Variants in PPP4R4 observed in about 807,000 individuals in gnomAD.
PPP4R4 encodes protein phosphatase 4 regulatory subunit 4.
A neutral mutation model predicts 121.8 loss-of-function variants in PPP4R4; 70 were observed. That is an observed-to-expected ratio of 0.57 (90% CI 0.47 to 0.70). The LOEUF (loss-of-function observed/expected upper bound fraction) is 0.70, where lower values mean the gene tolerates loss of function less well. Ranked by LOEUF, PPP4R4 falls within the 30% of genes least tolerant of loss-of-function variation. The pLI, the probability that PPP4R4 is intolerant of heterozygous loss-of-function variation, is 0.00. For synonymous variants in PPP4R4, 348 were observed against 355.7 expected, an observed-to-expected ratio of 0.98 and a Z score of 0.24; for missense variants, 875 against 1,033.6, an observed-to-expected ratio of 0.85 and a Z score of 2.10.
chr14:94,197,932 T>G (rs755187718), intron 2 of PPP4R4, among the ~76,000 whole-genome samples: 1 of 152,236 alleles, frequency 6.6e-6, no homozygotes, highest in African/African-American at 2.4e-5. Flanking sequence ...ATATAATAAT[T>G]TGATTATCCA....
intron 23 of PPP4R4, among the ~76,000 whole-genome samples, chr14:94,270,757 A>C (rs1162187514): frequency 6.6e-6 from 1 of 152,004 alleles, no homozygotes; most frequent in Non-Finnish European, 1.5e-5. Flanking sequence ...CTATCAACTA[A>C]AAATACAAAA....
Position 94,233,893 on chromosome 14 carries a change from A to G in PPP4R4, c.623+134A>G, listed in dbSNP as rs1595505304. The G allele has an allele frequency of 4.7e-6, 3 of 631,902 alleles. No individual in the cohort carries two copies. In the East Asian group the frequency reaches 9.5e-5, roughly 20 times the overall value. The allele number at this position is 631,902 out of a possible 1,614,324, so 39.1% of individuals were successfully genotyped here. ...TATCTTAACTATTTTAACTTTATGG[A>G]ATTCTCATGACGAATTTACTTATTC... On this transcript the variant is annotated intron_variant, in intron 6 of 24. Transcript: ENST00000304338.
intron 2 of PPP4R4, among the ~76,000 whole-genome samples, chr14:94,187,331 G>T (rs1595451559): frequency 6.6e-6 from 1 of 152,142 alleles, no homozygotes; most frequent in South Asian, 2.1e-4. Context: ...AAAATATGTT[G>T]TTCTGAAATC....
At chr14:94,260,482 A>G (rs898832785) in intron 19 of PPP4R4, among the ~76,000 whole-genome samples, 1 of 152,078 alleles carries the variant, frequency 6.6e-6, no homozygotes, top group African/African-American at 2.4e-5. Flanking sequence ...ACCATTTTAC[A>G]TCTACATTGT....
Position 94,230,656 on chromosome 14 carries a change from G to A in PPP4R4, c.364G>A (p.Asp122Asn). ...AAMSFLTILQ[D>N]ESVSIHAYTH... is the part of the protein sequence containing the mutation. ...GATGTCATTTCTGACCATTCTGCAG[G>A]ACGAATCAGTGTCAATTCATGCATA... Residue 122 changes from aspartate (D) to asparagine (N), a missense_variant, in exon 4 of 25, where the codon GAC (aspartate) becomes AAC (asparagine). Asp to Asn is a conservative substitution (Grantham distance 23). Coordinates refer to ENST00000304338, the MANE Select transcript of PPP4R4 (RefSeq NM_058237.2). The A allele has an allele frequency of 1.2e-6, 2 of 1,612,858 alleles. No homozygotes were observed.
At chr14:94,184,052 T>A (rs376138208) in intron 2 of PPP4R4, among the ~76,000 whole-genome samples, 3 of 152,180 alleles carry the variant, frequency 2.0e-5, no homozygotes, top group East Asian at 1.9e-4. Context: ...AATTAATTCA[T>A]CCCAACGCTC....
At chr14:94,246,079 G>A (rs866992558) in intron 13 of PPP4R4, among the ~76,000 whole-genome samples, 1 of 152,144 alleles carries the variant, frequency 6.6e-6, no homozygotes, top group Non-Finnish European at 1.5e-5. Flanking sequence ...ACATTTTACT[G>A]TAGTTGGAAG....
intron 3 of PPP4R4, among the ~76,000 whole-genome samples, chr14:94,228,719 G>A (rs1294539484): frequency 6.6e-6 from 1 of 152,128 alleles, no homozygotes; most frequent in Admixed American, 6.5e-5. Flanking sequence ...TAGGTGAGAG[G>A]GTAAGAGACA....
chr14:94,236,280 T>A (rs1171270640), intron 7 of PPP4R4, among the ~76,000 whole-genome samples: 1 of 152,240 alleles, frequency 6.6e-6, no homozygotes, highest in Non-Finnish European at 1.5e-5. Context: ...AAAGATTGAA[T>A]GGAAATAACT....
intron 2 of PPP4R4, among the ~76,000 whole-genome samples, chr14:94,193,536 T>C (rs759216487): frequency 3.3e-5 from 5 of 152,214 alleles, no homozygotes; most frequent in African/African-American, 4.8e-5. Flanking sequence ...ATGCTATTTT[T>C]ATTTTGTTGT....
At chr14:94,256,279 T>G (rs1395946163) in intron 16 of PPP4R4, among the ~76,000 whole-genome samples, 181 bp from the exon 17 acceptor site, 1 of 152,220 alleles carries the variant, frequency 6.6e-6, no homozygotes, top group Non-Finnish European at 1.5e-5. Context: ...TTTGTTGGTT[T>G]TATTTACTGT....
intron 9 of PPP4R4, 60 bp downstream of exon 9, chr14:94,240,855 C>T (rs1422166281): frequency 5.6e-6 from 8 of 1,418,536 alleles, no homozygotes; most frequent in South Asian, 1.7e-5. Context: ...TTTTCTACCT[C>T]AGTCATTAAA....
chr14:94,268,226 G>A (rs764107426), intron 23 of PPP4R4, among the ~76,000 whole-genome samples: 11 of 152,100 alleles, frequency 7.2e-5, no homozygotes, highest in Admixed American at 2.6e-4. Flanking sequence ...AATTAGCTTC[G>A]AGCTAATGGT....
Position 94,242,401 on chromosome 14 carries a change from T to G in PPP4R4, c.1259T>G (p.Phe420Cys), listed in dbSNP as rs1892681955. 1 of 1,609,002 alleles carries G rather than the reference T, an allele frequency of 6.2e-7. No individual in the cohort carries two copies. Among genetic ancestry groups the G allele is most frequent in the Admixed American group, 1.7e-5 (1 of 59,964 alleles). The change falls in exon 11 of 25, where the codon TTT becomes TGT. Residue 420 changes from phenylalanine (F) to cysteine (C), a missense_variant. Transcript: ENST00000304338. ...VPVRYTIAIC[F>C]YEVSKLLNSG... Reference sequence around the variant, plus strand: ...GTCAGATACACTATTGCTATTTGCTTTTATGAAGTAAGTCTGAAGACTTGA... The same window carrying G: ...GTCAGATACACTATTGCTATTTGCTGTTATGAAGTAAGTCTGAAGACTTGA...
chr14:94,279,060 C>T lies in PPP4R4; in HGVS notation c.*417C>T, dbSNP rs145590952. 6.6e-6 allele frequency: 1 copy of T among 152,558 alleles called. No homozygotes were observed. The highest frequency in any genetic ancestry group is 1.9e-4 in the East Asian group (1 of 5,188). The allele number at this position is 152,558 out of a possible 1,614,324, so 9.5% of individuals were successfully genotyped here. A position where few individuals can be genotyped will look rare whatever the true frequency, so the allele number is the denominator to read the frequency against. On this transcript the variant is annotated 3_prime_UTR_variant, in exon 25 of 25. Coordinates refer to ENST00000304338, the MANE Select transcript of PPP4R4 (RefSeq NM_058237.2). ...AGCTGAATTGTCCTAGCTTGATAAG[C>T]ACTTGGAGGGGGACTTGGAAGGTGA...
At chr14:94,266,814 TA>T (rs958154779) in intron 22 of PPP4R4, 144 bp from the exon 23 acceptor site, 66 of 596,658 alleles carry the variant, frequency 1.1e-4, no homozygotes, top group South Asian at 2.0e-4. Flanking sequence ...GGCATGAATA[TA>T]AAAAAAATGA....
intron 3 of PPP4R4, among the ~76,000 whole-genome samples, chr14:94,218,917 C>G (rs1388156200): frequency 2.0e-5 from 3 of 151,882 alleles, no homozygotes; most frequent in Non-Finnish European, 2.9e-5. Flanking sequence ...AAGTAAAAAG[C>G]AAAAATTAAA....
At chr14:94,248,941 T>G (rs1229270362) in intron 14 of PPP4R4, among the ~76,000 whole-genome samples, 2 of 151,954 alleles carry the variant, frequency 1.3e-5, no homozygotes, top group Non-Finnish European at 2.9e-5. Flanking sequence ...CTCTTTTAGA[T>G]AAATGTTATT....
rs757819869 is a variant in PPP4R4 at position 94,256,557 on chromosome 14, C to T, written c.1963C>T (p.Leu655Phe). The change falls in exon 17 of 25, where the codon CTC (leucine) becomes TTC (phenylalanine). Residue 655 changes from leucine (L) to phenylalanine (F), a missense_variant. Coordinates refer to ENST00000304338, the MANE Select transcript of PPP4R4 (RefSeq NM_058237.2). ...LQQLEMCVRK[L>F]LCQEKDKDVL... is the part of the protein sequence containing the mutation. ...GCAGTTAGAAATGTGTGTGAGGAAA[C>T]TCCTGTGTCAAGAAAAAGATAAAGA... The T allele has an allele frequency of 6.2e-7, 1 of 1,605,494 alleles. No homozygotes were observed. Among genetic ancestry groups the T allele is most frequent in the Non-Finnish European group, 8.5e-7 (1 of 1,172,842 alleles).
Sources: gnomAD v4.1 joint callset for allele counts (sites outside exome capture counted in the v4.1 genomes callset) on GRCh38, gnomAD v4.1.1 for gene constraint, MANE v1.5 for transcripts, NCBI Gene and HGNC (gene_info 2026-07-23, HGNC 2026-07-21) for gene names.